The following ZMYND11 variants were observed in gnomAD, a reference collection of about 807,000 sequenced individuals.
ZMYND11 encodes zinc finger MYND-type containing 11, also known as zinc finger MYND domain-containing protein 11.
In ZMYND11, 9 loss-of-function variants were observed where a neutral mutation model predicts 84.9. The observed-to-expected ratio is 0.11, with a 90% CI of 0.06 to 0.18. ZMYND11 has a LOEUF of 0.18. Among genes scored for constraint, ZMYND11 ranks in the 10% least tolerant of loss-of-function variants. The probability of loss-of-function intolerance (pLI) is 1.00; values close to 1 mark genes in which losing one functional copy is unlikely to be tolerated. For synonymous variants in ZMYND11, 250 were observed against 244.1 expected, an observed-to-expected ratio of 1.02 and a Z score of -0.23; for missense variants, 409 against 761.0, an observed-to-expected ratio of 0.54 and a Z score of 5.44.
chr10:131,102 T>G (rs1835303411), upstream of ZMYND11, among the ~76,000 whole-genome samples: 1 of 151,696 alleles, frequency 6.6e-6, no homozygotes, highest in African/African-American at 2.4e-5. Flanking sequence ...GGTGACAGAG[T>G]GAGCCCTATC....
At chr10:149,297 A>G (rs1246288312) in intron 1 of ZMYND11, among the ~76,000 whole-genome samples, 2 of 146,294 alleles carry the variant, frequency 1.4e-5, no homozygotes, top group Non-Finnish European at 3.0e-5. Flanking sequence ...TATTATTATT[A>G]TTATTATTAT....
At chr10:209,811 C>A (rs1035657869) in intron 2 of ZMYND11, 78 bp from the exon 3 acceptor site, 2 of 1,368,590 alleles carry the variant, frequency 1.5e-6, no homozygotes, top group Admixed American at 4.1e-5. Context: ...AAAGAAATTA[C>A]CACCATTTTC....
At chr10:244,206 A>C (rs1026604771) in intron 10 of ZMYND11, among the ~76,000 whole-genome samples, 7 of 152,212 alleles carry the variant, frequency 4.6e-5, no homozygotes, top group Non-Finnish European at 8.8e-5. Flanking sequence ...AATTATAATC[A>C]TGAATTTTTA....
At chr10:240,295 A>C (rs934218497) in intron 8 of ZMYND11, among the ~76,000 whole-genome samples, 184 bp downstream of exon 8, 1 of 152,088 alleles carries the variant, frequency 6.6e-6, no homozygotes, top group African/African-American at 2.4e-5. Flanking sequence ...CACGAGATCA[A>C]GAGATCGAGA....
intron 1 of ZMYND11, among the ~76,000 whole-genome samples, chr10:139,323 T>C (rs1375558495): frequency 6.6e-6 from 1 of 152,220 alleles, no homozygotes; most frequent in Non-Finnish European, 1.5e-5. Context: ...AAAGGAAAAC[T>C]GGTGTTTTCT....
At chr10:211,993 A>G (rs1394988604) in intron 3 of ZMYND11, among the ~76,000 whole-genome samples, 1 of 152,202 alleles carries the variant, frequency 6.6e-6, no homozygotes, top group Non-Finnish European at 1.5e-5. Context: ...GAATTTATAG[A>G]TAGTATAGAA....
intron 1 of ZMYND11, among the ~76,000 whole-genome samples, chr10:165,076 A>G (rs997586958): frequency 6.6e-6 from 1 of 151,976 alleles, no homozygotes; most frequent in African/African-American, 2.4e-5. Context: ...TTTGTCAGTC[A>G]GTCTTCTGGA....
intron 4 of ZMYND11, among the ~76,000 whole-genome samples, chr10:224,473 T>G (rs1159680050): frequency 6.6e-6 from 1 of 152,248 alleles, no homozygotes; most frequent in Non-Finnish European, 1.5e-5. Context: ...GAGAAAGATT[T>G]AAATACTGTC....
At chr10:240,444 C>T (rs1950686984) in intron 8 of ZMYND11, among the ~76,000 whole-genome samples, 1 of 152,200 alleles carries the variant, frequency 6.6e-6, no homozygotes, top group Non-Finnish European at 1.5e-5. Context: ...GTGGAGGTTG[C>T]AGTGAGCCAA....
rs1473600245 is a variant in ZMYND11 at position 177,661 on chromosome 10, A to G, written c.-19-2333A>G. 3.3e-5 allele frequency among the ~76,000 whole-genome samples: 5 copies of G among 152,088 alleles called. No individual in the cohort carries two copies. In the East Asian group the frequency reaches 9.6e-4, roughly 29 times the overall value. ...TTTGCTGTTAAATTTAACATTTTAC[A>G]TTTTACAGCTTTGCTGTATTTTTTA... On this transcript the variant is annotated intron_variant, in intron 1 of 14. Transcript: ENST00000381604.
At chr10:147,004 G>C (rs956675426) in intron 1 of ZMYND11, among the ~76,000 whole-genome samples, 4 of 152,194 alleles carry the variant, frequency 2.6e-5, no homozygotes, top group African/African-American at 4.8e-5. Context: ...ACCCAGTCTC[G>C]AGTATGTCTT....
intron 3 of ZMYND11, chr10:218,429 A>T: frequency 3.4e-6 from 1 of 291,750 alleles, no homozygotes. Context: ...AGCGAGACCA[A>T]GATTATTTTG....
chr10:143,539 G>C (rs1178407105), intron 1 of ZMYND11, among the ~76,000 whole-genome samples: 1 of 152,030 alleles, frequency 6.6e-6, no homozygotes, highest in Non-Finnish European at 1.5e-5. Flanking sequence ...AAAAAAATGA[G>C]AAAAATTTAT....
chr10:245,003 A>G (rs1021810706), intron 10 of ZMYND11, among the ~76,000 whole-genome samples: 35 of 152,302 alleles, frequency 2.3e-4, no homozygotes, highest in African/African-American at 8.4e-4. Flanking sequence ...TGAACAAACC[A>G]CTTTTATTGA....
At chr10:165,484 C>T (rs782115506) in intron 1 of ZMYND11, among the ~76,000 whole-genome samples, 23 of 152,236 alleles carry the variant, frequency 1.5e-4, no homozygotes, top group Middle Eastern at 6.8e-3. Context: ...TAACATCTCC[C>T]TTAGATGTCT....
At chr10:213,671 A>G (rs958096382) in intron 3 of ZMYND11, among the ~76,000 whole-genome samples, 5 of 152,032 alleles carry the variant, frequency 3.3e-5, no homozygotes, top group Non-Finnish European at 5.9e-5. Context: ...ATTTATCTTG[A>G]TAAGTCCCAC....
intron 1 of ZMYND11, among the ~76,000 whole-genome samples, chr10:150,557 T>C (rs1840089523): frequency 6.6e-6 from 1 of 152,198 alleles, no homozygotes. Flanking sequence ...TGGCCATTGC[T>C]GAGGCTTGAG....
chr10:220,011 T>A (rs1946863309), intron 3 of ZMYND11, among the ~76,000 whole-genome samples: 1 of 152,148 alleles, frequency 6.6e-6, no homozygotes, highest in Admixed American at 6.6e-5. Context: ...GACTGGGTAG[T>A]CCTTCATATC....
intron 1 of ZMYND11, among the ~76,000 whole-genome samples, chr10:171,407 C>T (rs1486840584): frequency 6.6e-6 from 1 of 152,072 alleles, no homozygotes; most frequent in East Asian, 1.9e-4. Flanking sequence ...CCAACATAGA[C>T]CACATTCGAT....
Sources: allele counts gnomAD v4.1 joint callset (sites outside exome capture counted in the v4.1 genomes callset), GRCh38; gene constraint gnomAD v4.1.1; transcripts MANE v1.5; gene names NCBI Gene and HGNC (gene_info 2026-07-23, HGNC 2026-07-21).